The following GPC6 variants were observed in gnomAD, a reference collection of about 807,000 sequenced individuals.
GPC6 encodes the protein glypican-6.
In GPC6, 14 loss-of-function variants were observed where a neutral mutation model predicts 55.2. The observed-to-expected ratio is 0.25, with a 90% CI of 0.17 to 0.40. The LOEUF (loss-of-function observed/expected upper bound fraction) is 0.40, where lower values mean the gene tolerates loss of function less well. Among genes scored for constraint, GPC6 ranks in the 10% least tolerant of loss-of-function variants. The probability of loss-of-function intolerance (pLI) is 1.00; values close to 1 mark genes in which losing one functional copy is unlikely to be tolerated. For missense variants in GPC6, 641 were observed against 708.5 expected, an observed-to-expected ratio of 0.90 and a Z score of 1.08; for synonymous variants, 278 against 259.6, an observed-to-expected ratio of 1.07 and a Z score of -0.68.
At chr13:94,216,378 T>G (rs1471944663) in intron 4 of GPC6, among the ~76,000 whole-genome samples, 1 of 152,122 alleles carries the variant, frequency 6.6e-6, no homozygotes, top group Non-Finnish European at 1.5e-5. Context: ...TGTTTTGTAT[T>G]ACACCATGAA....
At chr13:93,230,247 CATT>C (rs1875961442) in intron 1 of GPC6, among the ~76,000 whole-genome samples, 1 of 152,110 alleles carries the variant, frequency 6.6e-6, no homozygotes, top group Admixed American at 6.5e-5. Flanking sequence ...GTAATAAGGA[CATT>C]ATGTTTCATC....
chr13:94,005,527 G>GT (rs1236590352), intron 3 of GPC6, among the ~76,000 whole-genome samples: 4 of 152,184 alleles, frequency 2.6e-5, no homozygotes, highest in Non-Finnish European at 5.9e-5. Flanking sequence ...AAATTTGCAT[G>GT]TAGTGACATT....
intron 4 of GPC6, among the ~76,000 whole-genome samples, chr13:94,175,982 A>AGG: frequency 6.9e-6 from 1 of 145,598 alleles, no homozygotes; most frequent in South Asian, 2.2e-4. Context: ...AGAGAGAGAG[A>AGG]GAGAGAGAGA....
intron 1 of GPC6, among the ~76,000 whole-genome samples, chr13:93,387,355 T>A (rs182690476): frequency 1.3e-5 from 2 of 152,248 alleles, no homozygotes; most frequent in African/African-American, 4.8e-5. Context: ...CCCCAGTGTG[T>A]GATGCTCCTC....
At chr13:94,073,409 A>G (rs1884803779) in intron 4 of GPC6, among the ~76,000 whole-genome samples, 1 of 152,244 alleles carries the variant, frequency 6.6e-6, no homozygotes, top group Non-Finnish European at 1.5e-5. Context: ...GCTCAGCACA[A>G]AAATGGAGCT....
intron 6 of GPC6, among the ~76,000 whole-genome samples, chr13:94,321,108 C>G (rs976452856): frequency 2.6e-5 from 4 of 152,152 alleles, no homozygotes; most frequent in Admixed American, 6.5e-5. Flanking sequence ...TTTTGTTCCT[C>G]TCTTTTGTGT....
At chr13:93,722,207 A>G (rs918964248) in intron 2 of GPC6, among the ~76,000 whole-genome samples, 4 of 151,912 alleles carry the variant, frequency 2.6e-5, no homozygotes, top group African/African-American at 9.6e-5. Context: ...ACCTTTCATT[A>G]ATCATGCCTG....
intron 4 of GPC6, among the ~76,000 whole-genome samples, chr13:94,045,906 A>G (rs577663581): frequency 3.9e-4 from 60 of 152,098 alleles, no homozygotes; most frequent in African/African-American, 1.4e-3. Flanking sequence ...TTCATGCATT[A>G]TTCTATTGAA....
At chr13:93,972,911 C>G (rs1387210826) in intron 3 of GPC6, among the ~76,000 whole-genome samples, 1 of 151,836 alleles carries the variant, frequency 6.6e-6, no homozygotes, top group African/African-American at 2.4e-5. Context: ...CTTTCTCTCT[C>G]TCTCTCTGTC....
At position 93,545,409 on chromosome 13, in the gene GPC6, A is replaced by G. The variant is rs769335690; in HGVS notation, c.307A>G (p.Lys103Glu). 6.8e-6 allele frequency: 11 copies of G among 1,613,774 alleles called. No homozygotes were observed. Among genetic ancestry groups the G allele is most frequent in the Non-Finnish European group, 9.3e-6 (11 of 1,179,668 alleles). The change falls in exon 2 of 9, where the codon AAG becomes GAG. Residue 103 changes from lysine to glutamate, a missense_variant. Transcript: ENST00000377047. ...GCGCACCACTTTTGTGTCCAGGCAT[A>G]AGAAATTTGACGGTAGGTGAAATGG... Reference protein sequence around the residue: ...FVRTTFVSRHKKFDEFFRELL... With the variant: ...FVRTTFVSRHEKFDEFFRELL...
chr13:93,899,417 A>T (rs547173738), intron 3 of GPC6, among the ~76,000 whole-genome samples: 8 of 151,772 alleles, frequency 5.3e-5, no homozygotes, highest in African/African-American at 1.9e-4. Context: ...GTCTTGAAGG[A>T]TGGGTAAGAA....
intron 3 of GPC6, among the ~76,000 whole-genome samples, chr13:93,881,550 G>A (rs1183280741): frequency 1.3e-5 from 2 of 151,898 alleles, no homozygotes; most frequent in Admixed American, 6.6e-5. Flanking sequence ...ATGATTACTT[G>A]GAGTCAAGAT....
At chr13:94,068,229 AAG>A (rs1594710105) in intron 4 of GPC6, among the ~76,000 whole-genome samples, 1 of 152,134 alleles carries the variant, frequency 6.6e-6, no homozygotes, top group African/African-American at 2.4e-5. Flanking sequence ...GCAGCAGGCA[AAG>A]AGAGAGAGTT....
At chr13:94,336,220 C>T (rs917117155) in intron 6 of GPC6, among the ~76,000 whole-genome samples, 3 of 152,068 alleles carry the variant, frequency 2.0e-5, no homozygotes, top group African/African-American at 4.8e-5. Context: ...TGTTTAATCC[C>T]AAAGGATAAA....
At chr13:93,528,034 A>C (rs1881721928) in intron 1 of GPC6, among the ~76,000 whole-genome samples, 1 of 152,202 alleles carries the variant, frequency 6.6e-6, no homozygotes, top group Non-Finnish European at 1.5e-5. Context: ...AAGAAAAATA[A>C]TTTTTCATGA....
At chr13:94,324,328 A>C (rs981653023) in intron 6 of GPC6, among the ~76,000 whole-genome samples, 2 of 151,602 alleles carry the variant, frequency 1.3e-5, no homozygotes, top group African/African-American at 2.4e-5. Context: ...AAAAAAAAAA[A>C]AACTCAAGCC....
chr13:93,304,708 A>G (rs147742104), intron 1 of GPC6, among the ~76,000 whole-genome samples: 1 of 152,332 alleles, frequency 6.6e-6, no homozygotes, highest in East Asian at 1.9e-4. Context: ...AATTCCAAAT[A>G]CAACAGAGAC....
chr13:93,563,543 C>T (rs1023685453), intron 2 of GPC6, among the ~76,000 whole-genome samples: 10 of 152,100 alleles, frequency 6.6e-5, no homozygotes, highest in African/African-American at 1.4e-4. Flanking sequence ...GAAATCAGAG[C>T]TCACATCTGT....
rs535522889 is a variant in GPC6, at chr13:93,840,713, C to T, written c.711+10168C>T. On this transcript the variant is annotated intron_variant, in intron 3 of 8. Coordinates refer to ENST00000377047, the MANE Select transcript of GPC6 (RefSeq NM_005708.5). ...ATTGGCATGTCTACTGTTTGCCTAT[C>T]CCCCTCAAATACAAGAACTTCCCTG... 3.9e-5 allele frequency among the ~76,000 whole-genome samples: 6 copies of T among 152,094 alleles called. No individual in the cohort carries two copies. The South Asian group carries it at 1.2e-3, about 32-fold the overall frequency.
Sources: allele counts gnomAD v4.1 joint callset (sites outside exome capture counted in the v4.1 genomes callset), GRCh38; gene constraint gnomAD v4.1.1; transcripts MANE v1.5; gene names NCBI Gene and HGNC (gene_info 2026-07-23, HGNC 2026-07-21).